The following WRN variants were observed in gnomAD, a reference collection of about 807,000 sequenced individuals.
WRN encodes bifunctional 3'-5' exonuclease/ATP-dependent helicase WRN.
WRN carries 149 observed loss-of-function variants against 180.7 expected under a neutral mutation model. That is an observed-to-expected ratio of 0.82 (90% CI 0.72 to 0.94). The LOEUF (loss-of-function observed/expected upper bound fraction) is 0.94. WRN is among the 40% of genes least tolerant of loss of function. WRN has a pLI of 0.00. For synonymous variants in WRN, 548 were observed against 568.9 expected (o/e 0.96, Z 0.52); for missense variants, 1,661 against 1,700.1 (o/e 0.98, Z 0.40).
At chr8:31,044,321 G>T (rs1297710070) in intron 1 of WRN, among the ~76,000 whole-genome samples, 2 of 143,608 alleles carry the variant, frequency 1.4e-5, no homozygotes, top group East Asian at 2.1e-4. Context: ...GATTACAGGC[G>T]TGAGCCGCTT....
intron 18 of WRN, among the ~76,000 whole-genome samples, chr8:31,110,242 C>G (rs954458785): frequency 6.6e-6 from 1 of 152,088 alleles, no homozygotes; most frequent in Non-Finnish European, 1.5e-5. Flanking sequence ...TTAGAGAAAC[C>G]AACCTCTTTA....
intron 3 of WRN, among the ~76,000 whole-genome samples, chr8:31,060,613 T>C (rs922171633): frequency 2.0e-5 from 3 of 152,196 alleles, no homozygotes; most frequent in Non-Finnish European, 2.9e-5. Context: ...GGTATAGATA[T>C]AAGCTAGAAA....
chr8:31,076,932 A>G (rs1813115711), intron 8 of WRN, among the ~76,000 whole-genome samples: 1 of 152,202 alleles, frequency 6.6e-6, no homozygotes, highest in Admixed American at 6.5e-5. Flanking sequence ...TCCTGGCCTT[A>G]ATTGCAGGAT....
intron 32 of WRN, 52 bp from the exon 33 acceptor site, chr8:31,157,316 C>G: frequency 2.5e-6 from 4 of 1,608,546 alleles, no homozygotes; most frequent in Non-Finnish European, 3.4e-6. Flanking sequence ...ATTTCCATGA[C>G]TGGAGTGGAC....
intron 3 of WRN, among the ~76,000 whole-genome samples, chr8:31,062,688 C>T (rs1812533012): frequency 1.3e-5 from 2 of 152,084 alleles, no homozygotes; most frequent in Admixed American, 1.3e-4. Context: ...GCTGGGATTA[C>T]AGGCGTGAAC....
chr8:31,106,486 C>T (rs181089685), intron 18 of WRN, among the ~76,000 whole-genome samples: 136 of 152,244 alleles, frequency 8.9e-4, no homozygotes, highest in African/African-American at 2.8e-3. Context: ...CCTCATTCAC[C>T]GGATGCAGCC....
At chr8:31,143,024 G>GACACACACACACACACAC (rs10529735) in intron 27 of WRN, among the ~76,000 whole-genome samples, 3 of 136,526 alleles carry the variant, frequency 2.2e-5, no homozygotes, top group Non-Finnish European at 3.2e-5. Context: ...TCTTATTAAA[G>GACACACACACACACACAC]ACACACACAC....
At chr8:31,037,643 C>A (rs181591371) in intron 1 of WRN, among the ~76,000 whole-genome samples, 5 of 152,334 alleles carry the variant, frequency 3.3e-5, no homozygotes, top group African/African-American at 1.2e-4. Context: ...ATTGAAGAGC[C>A]TGACCTTTCC....
chr8:31,174,420 C>T lies in WRN; in HGVS notation c.*1318C>T, dbSNP rs972323658. On this transcript the variant is annotated 3_prime_UTR_variant, in exon 35 of 35. Transcript: ENST00000298139. ...TTTGCTGCTTTTTTTCATGGCTTGC[C>T]ATTTTCACTGAAAAGAATGACTAAT... Among the ~76,000 whole-genome samples, 9 of 152,138 alleles carry T rather than the reference C, an allele frequency of 5.9e-5. No homozygotes were observed. The highest frequency in any genetic ancestry group is 1.0e-4 in the Non-Finnish European group (7 of 68,030).
intron 15 of WRN, 102 bp from the exon 16 acceptor site, chr8:31,091,728 G>A (rs2130177755): frequency 1.7e-6 from 2 of 1,192,390 alleles, no homozygotes; most frequent in East Asian, 5.1e-5. Flanking sequence ...GCAAAGAACA[G>A]GAATATAAAT....
chr8:31,116,307 A>T, intron 19 of WRN, 47 bp from the exon 20 acceptor site: 1 of 1,600,348 alleles, frequency 6.2e-7, no homozygotes. Flanking sequence ...GGTCTGAAGC[A>T]TGTATAAAGT....
At chr8:31,142,589 T>C (rs762233105) in intron 26 of WRN, 37 bp from the exon 27 acceptor site, 5 of 1,487,128 alleles carry the variant, frequency 3.4e-6, no homozygotes, top group Non-Finnish European at 4.6e-6. Flanking sequence ...TACTTGCATC[T>C]TAACATTTGA....
At chr8:31,118,242 G>A (rs1216939345) in intron 20 of WRN, among the ~76,000 whole-genome samples, 1 of 152,064 alleles carries the variant, frequency 6.6e-6, no homozygotes, top group East Asian at 1.9e-4. Context: ...AAGAGTATAT[G>A]CATGTATGTG....
rs1044975015 is a variant in WRN at position 31,153,107 on chromosome 8, G to A, written c.3688-1517G>A. 2.0e-5 allele frequency among the ~76,000 whole-genome samples: 3 copies of A among 151,992 alleles called. No homozygotes were observed. In the East Asian group the frequency reaches 5.8e-4, roughly 29 times the overall value. On this transcript the variant is annotated intron_variant, in intron 31 of 34. Transcript: ENST00000298139. ...TGAGCTGGCTTCCTGTATAACTCTTGTATAGGACAGAACATACTGGTTGGG... is the reference window on the plus strand; with the variant it reads ...TGAGCTGGCTTCCTGTATAACTCTTATATAGGACAGAACATACTGGTTGGG...
At chr8:31,123,141 C>G (rs772753914) in intron 21 of WRN, among the ~76,000 whole-genome samples, 3 of 151,902 alleles carry the variant, frequency 2.0e-5, no homozygotes, top group Non-Finnish European at 2.9e-5. Context: ...CAGTCTGCCT[C>G]GACTTCCCTT....
At chr8:31,103,879 C>T (rs1194871088) in intron 18 of WRN, among the ~76,000 whole-genome samples, 5 of 151,848 alleles carry the variant, frequency 3.3e-5, no homozygotes, top group Non-Finnish European at 7.4e-5. Context: ...AGACTACAGG[C>T]GCCCGCCACT....
chr8:31,097,545 AG>A (rs1814039807), intron 17 of WRN, among the ~76,000 whole-genome samples: 1 of 152,222 alleles, frequency 6.6e-6, no homozygotes, highest in South Asian at 2.1e-4. Flanking sequence ...ATTAGTCAAA[AG>A]CTGATAGCAC....
At chr8:31,147,858 C>T (rs1303278016) in intron 30 of WRN, among the ~76,000 whole-genome samples, 2 of 151,208 alleles carry the variant, frequency 1.3e-5, no homozygotes, top group African/African-American at 4.8e-5. Context: ...ATATAAAACC[C>T]CTTCGTCTTC....
chr8:31,106,180 T>G (rs1005433490), intron 18 of WRN, among the ~76,000 whole-genome samples: 1 of 152,168 alleles, frequency 6.6e-6, no homozygotes, highest in Non-Finnish European at 1.5e-5. Flanking sequence ...TCGTGAGGTC[T>G]TCAGAATATA....
Sources: gnomAD v4.1 joint callset for allele counts (sites outside exome capture counted in the v4.1 genomes callset) on GRCh38, gnomAD v4.1.1 for gene constraint, MANE v1.5 for transcripts, NCBI Gene and HGNC (gene_info 2026-07-23, HGNC 2026-07-21) for gene names.